Variants in DAAM2 observed in about 807,000 individuals in gnomAD.
DAAM2 encodes disheveled-associated activator of morphogenesis 2.
A neutral mutation model predicts 120.7 loss-of-function variants in DAAM2; 39 were observed. That is an observed-to-expected ratio of 0.32 (90% confidence interval 0.25 to 0.42). DAAM2 has a LOEUF of 0.42. DAAM2 is among the 10% of genes least tolerant of loss of function. DAAM2 has a pLI of 1.00. For synonymous variants in DAAM2, 488 were observed against 524.9 expected, an observed-to-expected ratio of 0.93 and a Z score of 0.96; for missense variants, 1,283 against 1,401.7, an observed-to-expected ratio of 0.92 and a Z score of 1.35.
At chr6:39,816,583 T>C (rs1582612732) in intron 1 of DAAM2, among the ~76,000 whole-genome samples, 1 of 152,250 alleles carries the variant, frequency 6.6e-6, no homozygotes, top group East Asian at 1.9e-4. Flanking sequence ...TGAGAGCTGC[T>C]GGTCTCAGCT....
At chr6:39,870,005 G>A (rs1046845718) in intron 7 of DAAM2, among the ~76,000 whole-genome samples, 3 of 152,034 alleles carry the variant, frequency 2.0e-5, no homozygotes, top group African/African-American at 7.3e-5. Flanking sequence ...GTTTTCCCAA[G>A]GTCACAAAAC....
chr6:39,827,814 T>C (rs955691208), intron 1 of DAAM2, among the ~76,000 whole-genome samples: 1 of 148,430 alleles, frequency 6.7e-6, no homozygotes, highest in Non-Finnish European at 1.5e-5. Context: ...AGTCCCTTCA[T>C]GTCTGAGCCC....
At chr6:39,863,060 G>A (rs1182660824) in intron 3 of DAAM2, among the ~76,000 whole-genome samples, 1 of 151,986 alleles carries the variant, frequency 6.6e-6, no homozygotes, top group East Asian at 1.9e-4. Flanking sequence ...CCCAAGGTCT[G>A]CTATGGGTGG....
chr6:39,826,682 A>C (rs1276686241), intron 1 of DAAM2, among the ~76,000 whole-genome samples: 1 of 152,148 alleles, frequency 6.6e-6, no homozygotes, highest in African/African-American at 2.4e-5. Flanking sequence ...GACTGTTTGC[A>C]CACAAAAATT....
chr6:39,856,564 C>A, intron 2 of DAAM2, 94 bp downstream of exon 2: 1 of 1,032,072 alleles, frequency 9.7e-7, no homozygotes, highest in Non-Finnish European at 1.3e-6. Context: ...GTGCTGGGGT[C>A]TCCATCTCTC....
At position 39,898,894 on chromosome 6, in the gene DAAM2, A is replaced by C. The variant is rs766850227; in HGVS notation, c.2636A>C (p.Lys879Thr). ...CCTTACAGCCTAGCAGAACTGGAGA[A>C]GGAGGTGGGCAACCTCAGGAGGGGC... ...AAKVNLAELEKEVGNLRRGLR... is the reference protein window; with the variant it reads ...AAKVNLAELETEVGNLRRGLR... Residue 879 changes from lysine (K) to threonine (T), a missense_variant, in exon 22 of 25, where the codon AAG (lysine) becomes ACG (threonine). Coordinates refer to ENST00000274867, the MANE Select transcript of DAAM2 (RefSeq NM_001201427.2). 1 of 1,612,888 alleles carries C rather than the reference A, an allele frequency of 6.2e-7. No homozygotes were observed. Among genetic ancestry groups the C allele is most frequent in the Admixed American group, 1.7e-5 (1 of 59,880 alleles).
chr6:39,860,948 CAAAAA>C lies in DAAM2; in HGVS notation c.190_194del (p.Lys64ProfsTer10). 15 of 1,612,982 alleles carry C rather than the reference CAAAAA, an allele frequency of 9.3e-6. No homozygotes were observed. Among genetic ancestry groups the C allele is most frequent in the African/African-American group, 2.7e-5 (2 of 75,004 alleles). ...TGCAGGATGAATTGGATCTCACTGACAAAAACCGAGAGGCTATGTTTGCACTGCCC... is the reference window on the plus strand; with the variant it reads ...TGCAGGATGAATTGGATCTCACTGACCCGAGAGGCTATGTTTGCACTGCCC... On this transcript the variant is annotated frameshift_variant, in exon 3 of 25. Coordinates refer to ENST00000274867, the MANE Select transcript of DAAM2 (RefSeq NM_001201427.2). LOFTEE classifies it high-confidence loss of function.
chr6:39,883,041 G>A (rs564946994), intron 14 of DAAM2, among the ~76,000 whole-genome samples: 1 of 152,300 alleles, frequency 6.6e-6, no homozygotes, highest in Admixed American at 6.5e-5. Context: ...CTAGGTAGAG[G>A]AAGGCAGAGA....
chr6:39,881,807 A>G (rs189987338), intron 14 of DAAM2: 1 of 152,300 alleles, frequency 6.6e-6, no homozygotes, highest in Admixed American at 6.5e-5. Context: ...AAGTCTTCAT[A>G]TAATAAATAG....
At chr6:39,805,604 G>A (rs62402529) in intron 1 of DAAM2, among the ~76,000 whole-genome samples, 2,035 of 151,446 alleles carry the variant, frequency 0.013, 21 homozygotes, top group South Asian at 0.04. Flanking sequence ...GCCCAGGCTG[G>A]AGTGCAGTGA....
chr6:39,856,408 A>C lies in DAAM2; in HGVS notation c.106A>C (p.Met36Leu). 6.4e-7 allele frequency: 1 copy of C among 1,550,454 alleles called. No homozygotes were observed. Among genetic ancestry groups the C allele is most frequent in the East Asian group, 2.5e-5 (1 of 39,838 alleles). ...NLRDNHPLQF[M>L]EFSSPIPNAE... is the part of the protein sequence containing the mutation. ...CCGGGACAACCACCCTCTGCAGTTC[A>C]TGGAGTTCTCCAGCCCCATCCCGAA... The change falls in exon 2 of 25, where the codon ATG becomes CTG. Residue 36 changes from methionine (M) to leucine (L), a missense_variant. By Grantham distance (15) the Met-to-Leu change is conservative (BLOSUM62 2). Transcript: ENST00000274867.
intron 19 of DAAM2, among the ~76,000 whole-genome samples, chr6:39,893,444 G>A (rs182948696): frequency 6.6e-6 from 1 of 152,230 alleles, no homozygotes; most frequent in Non-Finnish European, 1.5e-5. Context: ...CATGAACCCA[G>A]GAGGCGGAGC....
intron 1 of DAAM2, among the ~76,000 whole-genome samples, chr6:39,836,693 A>T (rs1763114358): frequency 6.6e-6 from 1 of 152,196 alleles, no homozygotes; most frequent in Non-Finnish European, 1.5e-5. Flanking sequence ...GATGCAGGAT[A>T]AAGCTTGAGA....
Position 39,821,163 on chromosome 6 carries a change from C to G in DAAM2, c.-57+28698C>G, listed in dbSNP as rs1295478081. ...CTCGGGCTCTTGGGGCAGGCTGTCC[C>G]TTTAAGAAAGAGAGCCACACATTCT... On this transcript the variant is annotated intron_variant, in intron 1 of 24. Transcript: ENST00000274867. The G allele has an allele frequency of 4.0e-5, 6 of 151,886 alleles. No homozygotes were observed. In the East Asian group the frequency reaches 1.2e-3, roughly 29 times the overall value. The allele number at this position is 151,886 out of a possible 1,614,324, so 9.4% of individuals were successfully genotyped here.
chr6:39,842,514 A>T (rs1370475791), intron 1 of DAAM2, among the ~76,000 whole-genome samples: 1 of 151,780 alleles, frequency 6.6e-6, no homozygotes, highest in Non-Finnish European at 1.5e-5. Flanking sequence ...ATGCCTGTAA[A>T]CCCAGCTACT....
At chr6:39,834,972 G>A (rs1317458828) in intron 1 of DAAM2, among the ~76,000 whole-genome samples, 1 of 152,182 alleles carries the variant, frequency 6.6e-6, no homozygotes, top group Non-Finnish European at 1.5e-5. Context: ...CTTGTCAATA[G>A]CCAGCGGTAT....
chr6:39,796,038 G>A (rs1475272264), intron 1 of DAAM2, among the ~76,000 whole-genome samples: 1 of 152,128 alleles, frequency 6.6e-6, no homozygotes, highest in Non-Finnish European at 1.5e-5. Context: ...TCAGGTCAGA[G>A]TAATGGGGGA....
rs1224147199 is a variant in DAAM2 at position 39,883,066 on chromosome 6, G to A, written c.1846-896G>A. On this transcript the variant is annotated intron_variant, in intron 14 of 24. Transcript: ENST00000274867. The stretch of plus-strand genomic sequence containing the variant: ...GAAGGCAGAGAGATTCTATGCTGAA[G>A]GACAGCAAAGCTCTAGATGAGGTGG... 3.3e-5 allele frequency among the ~76,000 whole-genome samples: 5 copies of A among 152,156 alleles called. No individual in the cohort carries two copies. The South Asian group carries it at 8.3e-4, about 25-fold the overall frequency.
Position 39,875,354 on chromosome 6 carries a change from A to G in DAAM2, c.1187A>G (p.Gln396Arg), listed in dbSNP as rs898420175. The change falls in exon 11 of 25, where the codon CAG (glutamine) becomes CGG (arginine). Residue 396 changes from glutamine (Q) to arginine (R), a missense_variant. Transcript: ENST00000274867. Reference sequence around the variant, plus strand: ...GACAAACGGAACGGTGGCTACTTCCAGCAGTGGCAGCTCCTGGACCGCATC... The same window carrying G: ...GACAAACGGAACGGTGGCTACTTCCGGCAGTGGCAGCTCCTGGACCGCATC... ...MPYKRNGGYF[Q>R]QWQLLDRILQ... The G allele has an allele frequency of 1.5e-5, 25 of 1,613,834 alleles. No homozygotes were observed. Among genetic ancestry groups the G allele is most frequent in the Middle Eastern group, 1.6e-4 (1 of 6,084 alleles).
Sources: gnomAD v4.1 joint callset for allele counts (sites outside exome capture counted in the v4.1 genomes callset) on GRCh38, gnomAD v4.1.1 for gene constraint, MANE v1.5 for transcripts, NCBI Gene and HGNC (gene_info 2026-07-23, HGNC 2026-07-21) for gene names.